Variants in PRKCA observed in about 807,000 individuals in gnomAD.
PRKCA encodes the protein protein kinase C alpha type.
In PRKCA, 27 loss-of-function variants were observed where a neutral mutation model predicts 87.0. The ratio of observed to expected loss-of-function variants is 0.31; its 90% CI spans 0.23 to 0.43. PRKCA has a LOEUF of 0.43. Ranked by LOEUF, PRKCA falls within the 20% of genes least tolerant of loss-of-function variation. The pLI, the probability that PRKCA is intolerant of heterozygous loss-of-function variation, is 1.00. For missense variants in PRKCA, 518 were observed against 852.3 expected (o/e 0.61, Z 4.88); for synonymous variants, 329 against 311.1 (o/e 1.06, Z -0.61).
At chr17:66,462,172 G>GCTCTGC (rs1297046764) in intron 2 of PRKCA, among the ~76,000 whole-genome samples, 1 of 152,148 alleles carries the variant, frequency 6.6e-6, no homozygotes, top group Non-Finnish European at 1.5e-5. Flanking sequence ...GCTGGCTGGT[G>GCTCTGC]CTCTGCGGTT....
chr17:66,686,708 G>C (rs1026455703), intron 5 of PRKCA, among the ~76,000 whole-genome samples: 1 of 152,158 alleles, frequency 6.6e-6, no homozygotes, highest in Admixed American at 6.5e-5. Flanking sequence ...ACCAGGTTGG[G>C]CTGGTCGCTT....
intron 8 of PRKCA, among the ~76,000 whole-genome samples, chr17:66,724,295 C>CAA (rs11445685): frequency 0.046 from 6,258 of 137,194 alleles, 171 homozygotes; most frequent in Non-Finnish European, 0.07. Context: ...GACTCCATCT[C>CAA]AAAAAAAAAA....
chr17:66,721,136 C>T (rs1396824868), intron 8 of PRKCA, among the ~76,000 whole-genome samples: 1 of 152,076 alleles, frequency 6.6e-6, no homozygotes, highest in Non-Finnish European at 1.5e-5. Flanking sequence ...GTGGCTCACA[C>T]CTGTAATCCC....
At chr17:66,736,769 G>A (rs1028289528) in intron 10 of PRKCA, among the ~76,000 whole-genome samples, 9 of 152,146 alleles carry the variant, frequency 5.9e-5, no homozygotes, top group Non-Finnish European at 8.8e-5. Context: ...GTCATATATC[G>A]TGACACGTGA....
intron 3 of PRKCA, among the ~76,000 whole-genome samples, chr17:66,592,573 G>A (rs1969843066): frequency 6.6e-6 from 1 of 152,142 alleles, no homozygotes; most frequent in African/African-American, 2.4e-5. Context: ...CAAAGAAAAG[G>A]AGATAAGATG....
At chr17:66,646,606 T>G (rs1377081122) in intron 5 of PRKCA, among the ~76,000 whole-genome samples, 1 of 152,192 alleles carries the variant, frequency 6.6e-6, no homozygotes, top group East Asian at 1.9e-4. Context: ...TCTATTAGGT[T>G]TAGATAACAG....
intron 13 of PRKCA, among the ~76,000 whole-genome samples, chr17:66,750,269 CAG>C (rs537400438): frequency 7.8e-4 from 118 of 152,234 alleles, no homozygotes; most frequent in Non-Finnish European, 1.4e-3. Flanking sequence ...ATGAAAGAAA[CAG>C]AATGATAAAC....
At chr17:66,320,354 A>G (rs1415227320) in intron 2 of PRKCA, among the ~76,000 whole-genome samples, 2 of 151,814 alleles carry the variant, frequency 1.3e-5, no homozygotes, top group Admixed American at 1.3e-4. Flanking sequence ...CCCAGTGAGT[A>G]CAAGTGCCCA....
chr17:66,513,384 G>A (rs1253436364), intron 3 of PRKCA, among the ~76,000 whole-genome samples: 1 of 152,180 alleles, frequency 6.6e-6, no homozygotes, highest in Non-Finnish European at 1.5e-5. Context: ...AATAAAAGGT[G>A]TGTTCTTCTT....
At chr17:66,323,934 C>A (rs903190712) in intron 2 of PRKCA, among the ~76,000 whole-genome samples, 4 of 151,984 alleles carry the variant, frequency 2.6e-5, no homozygotes, top group Non-Finnish European at 5.9e-5. Context: ...CAGCAAGATT[C>A]TGACTCAAAA....
At chr17:66,531,337 T>C (rs1967531457) in intron 3 of PRKCA, among the ~76,000 whole-genome samples, 1 of 152,024 alleles carries the variant, frequency 6.6e-6, no homozygotes, top group Non-Finnish European at 1.5e-5. Context: ...AACTGCAGAG[T>C]CCTCCGAGGA....
chr17:66,406,082 G>T (rs903283812), intron 2 of PRKCA, among the ~76,000 whole-genome samples: 9 of 152,182 alleles, frequency 5.9e-5, no homozygotes, highest in Non-Finnish European at 1.0e-4. Flanking sequence ...TGAGTGATGG[G>T]AGCTGGCAGA....
rs1417412986 is a variant in PRKCA at position 66,786,923 on chromosome 17, C to T, written c.1662C>T (p.Asn554=). The T allele has an allele frequency of 7.4e-6, 12 of 1,614,016 alleles. No individual in the cohort carries two copies. The highest frequency in any genetic ancestry group is 5.0e-5 in the Admixed American group (3 of 60,010). ...TATTTCAGTCTATCATGGAGCACAACGTTTCCTATCCAAAATCCTTGTCCA... is the reference window on the plus strand; with the variant it reads ...TATTTCAGTCTATCATGGAGCACAATGTTTCCTATCCAAAATCCTTGTCCA... ...DELFQSIMEH[N]VSYPKSLSKE... Residue 554 remains asparagine (N), a synonymous_variant, in exon 15 of 17, where the codon AAC becomes AAT. Coordinates refer to ENST00000413366, the MANE Select transcript of PRKCA (RefSeq NM_002737.3).
intron 2 of PRKCA, among the ~76,000 whole-genome samples, chr17:66,347,723 G>A (rs139183848): frequency 8.8e-4 from 134 of 152,190 alleles, no homozygotes; most frequent in Non-Finnish European, 1.4e-3. Flanking sequence ...GACGGTAGAT[G>A]CACATTTTCT....
chr17:66,353,137 T>G (rs953984853), intron 2 of PRKCA, among the ~76,000 whole-genome samples: 1 of 152,172 alleles, frequency 6.6e-6, no homozygotes, highest in African/African-American at 2.4e-5. Context: ...ATGATTTGCA[T>G]TAAACTAATA....
At chr17:66,430,535 G>T (rs1330783623) in intron 2 of PRKCA, among the ~76,000 whole-genome samples, 1 of 151,992 alleles carries the variant, frequency 6.6e-6, no homozygotes, top group African/African-American at 2.4e-5. Flanking sequence ...TCTCTCTCAG[G>T]GTTGAAGCCT....
At chr17:66,407,491 C>CAGT (rs1722574273) in intron 2 of PRKCA, among the ~76,000 whole-genome samples, 1 of 152,122 alleles carries the variant, frequency 6.6e-6, no homozygotes, top group South Asian at 2.1e-4. Flanking sequence ...GGACAGCCTG[C>CAGT]AGTACCGTGA....
At chr17:66,762,502 C>T (rs1974707473) in intron 13 of PRKCA, among the ~76,000 whole-genome samples, 2 of 152,312 alleles carry the variant, frequency 1.3e-5, no homozygotes, top group South Asian at 4.1e-4. Context: ...AGCTCTCTCA[C>T]CTCATTCTGC....
intron 3 of PRKCA, among the ~76,000 whole-genome samples, chr17:66,522,998 C>T (rs1967220030): frequency 2.0e-5 from 3 of 152,022 alleles, no homozygotes; most frequent in South Asian, 2.1e-4. Context: ...TGGTGCCCTC[C>T]GGTTTCCAAC....
Sources: gnomAD v4.1 joint callset for allele counts (sites outside exome capture counted in the v4.1 genomes callset) on GRCh38, gnomAD v4.1.1 for gene constraint, MANE v1.5 for transcripts, NCBI Gene and HGNC (gene_info 2026-07-23, HGNC 2026-07-21) for gene names.